Variants in CAPN14 observed in about 807,000 individuals in gnomAD.
The protein encoded by CAPN14 is calpain-14.
Under a neutral mutation model 101.3 loss-of-function variants are expected in CAPN14, and 94 were observed. The ratio of observed to expected loss-of-function variants is 0.93; its 90% CI spans 0.79 to 1.10. CAPN14 has a LOEUF of 1.10. CAPN14 is among the 50% of genes least tolerant of loss of function. CAPN14 has a pLI of 0.00. For synonymous variants in CAPN14, 338 were observed against 317.9 expected (o/e 1.06, Z -0.67); for missense variants, 837 against 828.4 (o/e 1.01, Z -0.13).
At chr2:31,221,865 T>G (rs548026911), upstream of CAPN14, among the ~76,000 whole-genome samples, 10 of 152,274 alleles carry the variant, frequency 6.6e-5, no homozygotes, top group South Asian at 1.2e-3. Flanking sequence ...TGCCTTGAAG[T>G]CAGCAGCACC....
At chr2:31,229,014 C>A (rs574717534) in intron 1 of CAPN14, among the ~76,000 whole-genome samples, 11 of 152,134 alleles carry the variant, frequency 7.2e-5, no homozygotes, top group African/African-American at 2.7e-4. Flanking sequence ...ATGTTGAATG[C>A]AAGAAAAGTC....
At chr2:31,231,483 C>G (rs1683190008) in intron 1 of CAPN14, among the ~76,000 whole-genome samples, 1 of 152,102 alleles carries the variant, frequency 6.6e-6, no homozygotes, top group Non-Finnish European at 1.5e-5. Context: ...AGTTTTTGTT[C>G]TTTTGAACAC....
upstream of CAPN14, among the ~76,000 whole-genome samples, chr2:31,221,877 C>T (rs983471898): frequency 6.6e-6 from 1 of 152,196 alleles, no homozygotes; most frequent in African/African-American, 2.4e-5. Context: ...AGCAGCACCC[C>T]AGCCAGAGTG....
rs1029808809 is a variant in CAPN14 at position 31,230,100 on chromosome 2, G to A, written c.-176-3449C>T. ...TATATAGGTAAACTAGTGTCATGGAGGTCTGTTGTACAGATGATTTCATCA... is the reference window on the plus strand; with the variant it reads ...TATATAGGTAAACTAGTGTCATGGAAGTCTGTTGTACAGATGATTTCATCA... On this transcript the variant is annotated intron_variant and NMD_transcript_variant, in intron 1 of 21. Transcript: ENST00000398824. The surrounding 1 kb of genome is among the most constrained non-coding windows in gnomAD (Gnocchi z 4.3). 3.3e-5 allele frequency among the ~76,000 whole-genome samples: 5 copies of A among 152,108 alleles called. No individual in the cohort carries two copies. The highest frequency in any genetic ancestry group is 1.2e-4 in the African/African-American group (5 of 41,400).
chr2:31,221,117 G>A (rs1682850813), upstream of CAPN14, among the ~76,000 whole-genome samples: 1 of 152,166 alleles, frequency 6.6e-6, no homozygotes, highest in Non-Finnish European at 1.5e-5. Context: ...AATATTTTTA[G>A]AATGTCACAG....
intron 15 of CAPN14, among the ~76,000 whole-genome samples, chr2:31,187,427 C>T (rs1229339212): frequency 1.3e-5 from 2 of 151,982 alleles, no homozygotes; most frequent in South Asian, 2.1e-4. Flanking sequence ...GCTCTGCACC[C>T]CCCACCCCCT....
At chr2:31,194,575 T>C (rs1406328709) in intron 8 of CAPN14, 92 bp from the exon 9 acceptor site, 1 of 816,086 alleles carries the variant, frequency 1.2e-6, no homozygotes, top group Non-Finnish European at 2.0e-6. Context: ...ATTATTATTT[T>C]CATACTACCT....
intron 17 of CAPN14, among the ~76,000 whole-genome samples, chr2:31,180,207 G>C (rs1323175793): frequency 6.6e-6 from 1 of 152,092 alleles, no homozygotes; most frequent in Non-Finnish European, 1.5e-5. Flanking sequence ...GTGATGAAAT[G>C]AGCGCTTGGA....
intron 1 of CAPN14, among the ~76,000 whole-genome samples, chr2:31,231,492 A>T (rs1431421698): frequency 1.3e-5 from 2 of 152,214 alleles, no homozygotes; most frequent in African/African-American, 4.8e-5. Flanking sequence ...TCTTTTGAAC[A>T]CAGTATCTTT....
intron 12 of CAPN14, 151 bp downstream of exon 12, chr2:31,191,248 C>T: frequency 1.3e-6 from 1 of 759,462 alleles, no homozygotes; most frequent in Non-Finnish European, 2.1e-6. Context: ...TTCATATACA[C>T]ACAGGCAGCG....
chr2:31,175,571 A>T (rs542368059), intron 21 of CAPN14, among the ~76,000 whole-genome samples: 12 of 152,302 alleles, frequency 7.9e-5, no homozygotes, highest in African/African-American at 2.9e-4. Context: ...ATTGCCTGGG[A>T]TCAGGAGCGA....
chr2:31,219,867 GCAAACATT>G (rs1177330545), upstream of CAPN14, among the ~76,000 whole-genome samples: 4 of 152,140 alleles, frequency 2.6e-5, no homozygotes, highest in African/African-American at 9.7e-5. Context: ...CCAGCCTTGA[GCAAACATT>G]CAAAGGAGGT....
At chr2:31,177,277 T>C in intron 19 of CAPN14, 135 bp from the exon 20 acceptor site, 1 of 609,784 alleles carries the variant, frequency 1.6e-6, no homozygotes. Flanking sequence ...TTTTATAGGG[T>C]TCATTTTGAA....
At chr2:31,220,790 C>G (rs914017432), upstream of CAPN14, among the ~76,000 whole-genome samples, 1 of 152,184 alleles carries the variant, frequency 6.6e-6, no homozygotes, top group Admixed American at 6.5e-5. Context: ...GATCACGCCA[C>G]TAACTGACAA....
upstream of CAPN14, among the ~76,000 whole-genome samples, chr2:31,221,425 T>C (rs920596253): frequency 2.0e-5 from 3 of 152,186 alleles, no homozygotes; most frequent in Non-Finnish European, 4.4e-5. Context: ...TGGGTCCAAA[T>C]CAATACACTA....
intron 1 of CAPN14, among the ~76,000 whole-genome samples, chr2:31,228,756 T>G (rs549829782): frequency 9.2e-5 from 14 of 152,316 alleles, no homozygotes. Flanking sequence ...CACGGTCCCT[T>G]TAATCCTGAA....
At chr2:31,178,002 G>C (rs368066918) in intron 18 of CAPN14, among the ~76,000 whole-genome samples, 181 bp from the exon 19 acceptor site, 2 of 152,190 alleles carry the variant, frequency 1.3e-5, no homozygotes, top group South Asian at 4.1e-4. Flanking sequence ...ACCGCCTCAT[G>C]TTTCCTACAG....
At chr2:31,209,532 G>A (rs1682283814) in intron 1 of CAPN14, among the ~76,000 whole-genome samples, 1 of 152,110 alleles carries the variant, frequency 6.6e-6, no homozygotes, top group South Asian at 2.1e-4. Context: ...AGCCAGCAGC[G>A]CAAACTCCAA....
In CAPN14 at chr2:31,192,171, G is replaced by A. The variant is rs144974425; in HGVS notation, c.1115-73C>T. On this transcript the variant is annotated intron_variant, in intron 10 of 21. Transcript: ENST00000403897. ...ATCCTGCTTGCCGAACCACTAAGAG[G>A]TGAACAGTCTGAGGACGCCTCTGCC... is the stretch of plus-strand genomic sequence containing the variant. 9.9e-5 allele frequency: 144 copies of A among 1,449,386 alleles called. No individual in the cohort carries two copies. In the African/African-American group the frequency reaches 1.8e-3, roughly 18 times the overall value. 89.8% of individuals were successfully genotyped at this position (1,449,386 alleles called of 1,614,324 possible).
Sources: gnomAD v4.1 joint callset for allele counts (sites outside exome capture counted in the v4.1 genomes callset) on GRCh38, gnomAD v4.1.1 for gene constraint, Gnocchi (gnomAD v3.1) non-coding constraint, MANE v1.5 for transcripts, NCBI Gene and HGNC (gene_info 2026-07-23, HGNC 2026-07-21) for gene names.